PITPNB: variants seen among roughly 807,000 people sequenced by gnomAD.
PITPNB encodes phosphatidylinositol transfer protein beta isoform.
In PITPNB, 16 loss-of-function variants were observed where a neutral mutation model predicts 45.9. The observed-to-expected ratio is 0.35, with a 90% confidence interval of 0.24 to 0.53. PITPNB has a LOEUF of 0.53. Among genes scored for constraint, PITPNB ranks in the 20% least tolerant of loss-of-function variants. The pLI, the probability that PITPNB is intolerant of heterozygous loss-of-function variation, is 0.93. For missense variants in PITPNB, 188 were observed against 330.5 expected, an observed-to-expected ratio of 0.57 and a Z score of 3.34; for synonymous variants, 112 against 108.9, an observed-to-expected ratio of 1.03 and a Z score of -0.18.
At chr22:27,914,264 T>C in intron 2 of PITPNB, 53 bp downstream of exon 2, 1 of 1,119,352 alleles carries the variant, frequency 8.9e-7, no homozygotes, top group South Asian at 1.3e-5. Flanking sequence ...GAGTAACATA[T>C]CAAAGTACAG....
chr22:27,875,930 A>C (rs912681625), intron 7 of PITPNB, among the ~76,000 whole-genome samples: 1 of 152,234 alleles, frequency 6.6e-6, no homozygotes, highest in Non-Finnish European at 1.5e-5. Context: ...AATTACTGTC[A>C]GAATCAAAAC....
At chr22:27,898,695 A>T (rs1935506102) in intron 3 of PITPNB, among the ~76,000 whole-genome samples, 1 of 152,244 alleles carries the variant, frequency 6.6e-6, no homozygotes, top group Non-Finnish European at 1.5e-5. Flanking sequence ...ATTAAAGCAT[A>T]TCCAAGTATA....
rs139910318 is a variant in PITPNB at position 27,876,387 on chromosome 22, A to G, written c.457-2572T>C. Among the ~76,000 whole-genome samples, 1,057 of 152,352 alleles carry G rather than the reference A, an allele frequency of 6.9e-3. 12 individuals carry two copies. The highest frequency in any genetic ancestry group is 0.025 in the African/African-American group (1,020 of 41,576). ...CTCTGCTTTTTCTCCTCTTGAATAC[A>G]AAGCAGAAAATATTAAAGATATTAT... On this transcript the variant is annotated intron_variant, in intron 7 of 11. Transcript: ENST00000335272.
Position 27,856,458 on chromosome 22 carries a change from A to T in PITPNB, c.769-1519T>A, listed in dbSNP as rs929507370. On this transcript the variant is annotated intron_variant, in intron 10 of 11. Transcript: ENST00000335272. Reference sequence around the variant, plus strand: ...TTGAGGCTGGGACCATTCTGTGTTCAGGTATCGTGAGGCTGAGGACTTGTT... The same window carrying T: ...TTGAGGCTGGGACCATTCTGTGTTCTGGTATCGTGAGGCTGAGGACTTGTT... Among the ~76,000 whole-genome samples the T allele has an allele frequency of 4.6e-5, 7 of 152,306 alleles. No individual in the cohort carries two copies. In the East Asian group the frequency reaches 1.4e-3, roughly 29 times the overall value.
chr22:27,895,761 C>A (rs572789862), intron 6 of PITPNB, among the ~76,000 whole-genome samples: 17 of 152,344 alleles, frequency 1.1e-4, no homozygotes, highest in African/African-American at 3.8e-4. Flanking sequence ...TTAACCTACT[C>A]TCCTGGAATG....
Position 27,897,118 on chromosome 22 carries a change from A to T in PITPNB, c.297+12T>A. ...TAAAGAAAGTATGAGACACAAAAAT[A>T]GTTTTACTCACCGTTACAACTGAGG... is the stretch of plus-strand genomic sequence containing the variant. On this transcript the variant is annotated intron_variant, in intron 5 of 11. Transcript: ENST00000335272. The T allele has an allele frequency of 6.4e-7, 1 of 1,554,450 alleles. No individual in the cohort carries two copies. The highest frequency in any genetic ancestry group is 8.9e-7 in the Non-Finnish European group (1 of 1,125,556).
At chr22:27,897,479 A>G (rs538130788) in intron 4 of PITPNB, among the ~76,000 whole-genome samples, 3 of 152,374 alleles carry the variant, frequency 2.0e-5, no homozygotes, top group East Asian at 1.9e-4. Context: ...TCTATTATGT[A>G]GCAATTTAAG....
intron 5 of PITPNB, 98 bp from the exon 6 acceptor site, chr22:27,896,724 G>T: frequency 4.0e-6 from 3 of 746,694 alleles, no homozygotes; most frequent in South Asian, 1.5e-5. Context: ...TCCATGCTTT[G>T]ACTCTACAAG....
At chr22:27,909,824 G>A (rs1241744585) in intron 3 of PITPNB, among the ~76,000 whole-genome samples, 1 of 151,892 alleles carries the variant, frequency 6.6e-6, no homozygotes, top group Admixed American at 6.6e-5. Context: ...TTGTTCTTTC[G>A]CCCAGGCTGA....
intron 8 of PITPNB, among the ~76,000 whole-genome samples, chr22:27,864,570 A>G (rs190291763): frequency 6.6e-6 from 1 of 152,286 alleles, no homozygotes; most frequent in African/African-American, 2.4e-5. Context: ...TAACTGAAAT[A>G]CCCACTACAG....
chr22:27,906,426 TCCCAAG>T (rs898463446), intron 3 of PITPNB, among the ~76,000 whole-genome samples: 3 of 152,200 alleles, frequency 2.0e-5, no homozygotes, highest in African/African-American at 7.2e-5. Context: ...TTCTCTAAAC[TCCCAAG>T]GAGTTAACTT....
At chr22:27,907,337 A>G (rs1259660145) in intron 3 of PITPNB, among the ~76,000 whole-genome samples, 3 of 152,078 alleles carry the variant, frequency 2.0e-5, no homozygotes, top group Non-Finnish European at 4.4e-5. Flanking sequence ...CTTACTACTA[A>G]ATGATTCTTT....
intron 7 of PITPNB, among the ~76,000 whole-genome samples, chr22:27,878,211 G>T (rs1934873562): frequency 6.6e-6 from 1 of 152,108 alleles, no homozygotes; most frequent in Admixed American, 6.5e-5. Context: ...AATTAAATAT[G>T]AAGATAAATA....
intron 7 of PITPNB, 142 bp from the exon 8 acceptor site, chr22:27,873,957 T>C (rs1934745015): frequency 1.6e-6 from 1 of 613,730 alleles, no homozygotes; most frequent in Admixed American, 2.6e-5. Flanking sequence ...AGTAGAAAAA[T>C]GCTTCTTTAA....
At chr22:27,875,639 C>T (rs75204053) in intron 7 of PITPNB, among the ~76,000 whole-genome samples, 7,320 of 152,230 alleles carry the variant, frequency 0.048, 287 homozygotes, top group South Asian at 0.11. Flanking sequence ...AGCTCATTTT[C>T]TTTTTCAAAC....
chr22:27,918,251 G>T (rs920396974), intron 1 of PITPNB, among the ~76,000 whole-genome samples: 1 of 152,094 alleles, frequency 6.6e-6, no homozygotes, highest in Non-Finnish European at 1.5e-5. Flanking sequence ...TAAAAATAAG[G>T]TGTCTGAAAA....
intron 7 of PITPNB, among the ~76,000 whole-genome samples, chr22:27,879,817 G>A (rs1300760147): frequency 1.3e-5 from 2 of 152,014 alleles, no homozygotes; most frequent in African/African-American, 4.8e-5. Flanking sequence ...TGAAATGGGG[G>A]AAAACACCCT....
chr22:27,914,810 T>A (rs1936031161), intron 1 of PITPNB, among the ~76,000 whole-genome samples: 1 of 152,196 alleles, frequency 6.6e-6, no homozygotes, highest in South Asian at 2.1e-4. Flanking sequence ...CCAGAAACTG[T>A]TCCCCCACTA....
intron 7 of PITPNB, among the ~76,000 whole-genome samples, chr22:27,881,241 T>C (rs775966871): frequency 2.0e-5 from 3 of 152,216 alleles, no homozygotes; most frequent in Non-Finnish European, 4.4e-5. Context: ...GACAGGCGTT[T>C]GGCAAACAGA....
Sources: allele counts gnomAD v4.1 joint callset (sites outside exome capture counted in the v4.1 genomes callset), GRCh38; gene constraint gnomAD v4.1.1; transcripts MANE v1.5; gene names NCBI Gene and HGNC (gene_info 2026-07-23, HGNC 2026-07-21).